Variants in PHLPP2 observed in about 807,000 individuals in gnomAD.
PHLPP2 encodes PH domain and leucine rich repeat protein phosphatase 2.
PHLPP2 carries 66 observed loss-of-function variants against 124.9 expected under a neutral mutation model. The ratio of observed to expected loss-of-function variants is 0.53; its 90% CI spans 0.43 to 0.65. The LOEUF is 0.65. Among genes scored for constraint, PHLPP2 ranks in the 30% least tolerant of loss-of-function variants. PHLPP2 has a pLI of 0.00. For missense variants in PHLPP2, 1,685 were observed against 1,600.4 expected, an observed-to-expected ratio of 1.05 and a Z score of -0.90; for synonymous variants, 681 against 624.7, an observed-to-expected ratio of 1.09 and a Z score of -1.34.
chr16:71,722,713 G>A (rs75015501), intron 1 of PHLPP2, among the ~76,000 whole-genome samples: 3,652 of 152,052 alleles, frequency 0.024, 143 homozygotes, highest in African/African-American at 0.083. Flanking sequence ...CTTCTACTGG[G>A]CAAGTTTCAT....
At chr16:71,657,538 G>C (rs1206475329) in intron 15 of PHLPP2, among the ~76,000 whole-genome samples, 1 of 151,806 alleles carries the variant, frequency 6.6e-6, no homozygotes, top group Non-Finnish European at 1.5e-5. Flanking sequence ...GGGACTACAG[G>C]CGCCCGCCAC....
At chr16:71,662,624 C>A (rs2044801796) in intron 13 of PHLPP2, among the ~76,000 whole-genome samples, 1 of 152,094 alleles carries the variant, frequency 6.6e-6, no homozygotes, top group Non-Finnish European at 1.5e-5. Context: ...CATATAATTT[C>A]ATCCAAAATT....
intron 10 of PHLPP2, 54 bp downstream of exon 10, chr16:71,672,208 C>T: frequency 7.5e-7 from 1 of 1,329,608 alleles, no homozygotes; most frequent in Non-Finnish European, 1.1e-6. Flanking sequence ...AAAAAATCCA[C>T]ATGTATCTCT....
chr16:71,667,384 CT>C (rs1283060564), intron 11 of PHLPP2, 51 bp from the exon 12 acceptor site: 2 of 1,415,598 alleles, frequency 1.4e-6, no homozygotes, highest in East Asian at 2.3e-5. Context: ...TTAAATCATT[CT>C]TTCTGAGGCT....
chr16:71,695,014 C>T (rs933471781), intron 3 of PHLPP2, among the ~76,000 whole-genome samples: 2 of 151,912 alleles, frequency 1.3e-5, no homozygotes, highest in Non-Finnish European at 2.9e-5. Context: ...CTCGATCTCC[C>T]GACCTCATGA....
At chr16:71,695,571 T>C (rs1597009949) in intron 3 of PHLPP2, among the ~76,000 whole-genome samples, 1 of 152,092 alleles carries the variant, frequency 6.6e-6, no homozygotes. Flanking sequence ...TAGCTGGGTG[T>C]GGTGGTAAGC....
chr16:71,692,964 T>C (rs1373831733), intron 3 of PHLPP2, among the ~76,000 whole-genome samples: 1 of 152,122 alleles, frequency 6.6e-6, no homozygotes, highest in Admixed American at 6.6e-5. Flanking sequence ...ACTATCCAGA[T>C]ATCTCCAACT....
intron 2 of PHLPP2, among the ~76,000 whole-genome samples, chr16:71,711,845 C>T (rs34731378): frequency 0.26 from 39,445 of 152,078 alleles, 5,309 homozygotes; most frequent in Non-Finnish European, 0.3. Context: ...TAAAACTGAT[C>T]ATAAACAAGT....
At chr16:71,677,004 A>G (rs1417554662) in intron 8 of PHLPP2, 2 of 267,424 alleles carry the variant, frequency 7.5e-6, no homozygotes, top group Non-Finnish European at 1.4e-5. Flanking sequence ...TCGGCCTCCC[A>G]AAGTGCTGGG....
At chr16:71,690,752 G>GT (rs1555547216) in intron 3 of PHLPP2, 43 bp from the exon 4 acceptor site, 1 of 1,320,710 alleles carries the variant, frequency 7.6e-7, no homozygotes, top group Non-Finnish European at 1.1e-6. Flanking sequence ...TTAAAGTAGT[G>GT]TAAGAATACA....
intron 4 of PHLPP2, among the ~76,000 whole-genome samples, chr16:71,688,474 TTCTC>T (rs1278116340): frequency 2.0e-5 from 3 of 152,208 alleles, no homozygotes; most frequent in Non-Finnish European, 2.9e-5. Context: ...TGTTCTTCCA[TTCTC>T]TCTTAGAAAA....
Position 71,678,924 on chromosome 16 carries a change from G to C in PHLPP2, c.1099C>G (p.Leu367Val), listed in dbSNP as rs1333557875. 6 of 1,613,220 alleles carry C rather than the reference G, an allele frequency of 3.7e-6. No individual in the cohort carries two copies. The highest frequency in any genetic ancestry group is 5.1e-6 in the Non-Finnish European group (6 of 1,179,414). Residue 367 changes from leucine to valine, a missense_variant, in exon 8 of 19, where the codon CTA becomes GTA. Transcript: ENST00000568954. ...LTTLPEELGN[L>V]QQLSSLGISF... ...ATTCCCAAGGAGGAAAGCTGTTGTA[G>C]ATTTCCCAATTCTTCAGGTAAAGTA...
In PHLPP2 at chr16:71,649,668, G is replaced by A; in HGVS notation, c.3194C>T (p.Pro1065Leu). ...FASTTTIKDA[P>L]KPATPSSSSG... Reference sequence around the variant, plus strand: ...GCTAGAGGATGGAGTGGCTGGCTTAGGGGCATCCTTGATAGTGGTGGTTGA... The same window carrying A: ...GCTAGAGGATGGAGTGGCTGGCTTAAGGGCATCCTTGATAGTGGTGGTTGA... The change falls in exon 19 of 19, where the codon CCT (proline) becomes CTT (leucine). Residue 1065 changes from proline to leucine, a missense_variant. Transcript: ENST00000568954. 1 of 1,614,122 alleles carries A rather than the reference G, an allele frequency of 6.2e-7. No individual in the cohort carries two copies. Among genetic ancestry groups the A allele is most frequent in the Non-Finnish European group, 8.5e-7 (1 of 1,180,018 alleles).
chr16:71,668,579 T>C (rs1000296076), intron 11 of PHLPP2, among the ~76,000 whole-genome samples: 4 of 151,912 alleles, frequency 2.6e-5, no homozygotes, highest in African/African-American at 7.3e-5. Flanking sequence ...GTGGCCAATA[T>C]AGCAAAGCCC....
chr16:71,720,583 G>A (rs966513886), intron 1 of PHLPP2, among the ~76,000 whole-genome samples: 1 of 152,106 alleles, frequency 6.6e-6, no homozygotes, highest in Non-Finnish European at 1.5e-5. Flanking sequence ...TGTGAAATAC[G>A]GCCGGGTGCG....
At chr16:71,720,640 G>A (rs1301944821) in intron 1 of PHLPP2, among the ~76,000 whole-genome samples, 1 of 149,808 alleles carries the variant, frequency 6.7e-6, no homozygotes. Context: ...TGAGGCAGGC[G>A]GATCACCTGA....
chr16:71,724,105 A>G (rs1405100756), intron 1 of PHLPP2: 1 of 153,372 alleles, frequency 6.5e-6, no homozygotes, highest in Non-Finnish European at 1.4e-5. Context: ...ACCTGGCACC[A>G]CCGCAGAGCG....
intron 2 of PHLPP2, among the ~76,000 whole-genome samples, chr16:71,709,893 G>C (rs1359208883): frequency 2.0e-5 from 3 of 152,142 alleles, no homozygotes; most frequent in African/African-American, 7.2e-5. Flanking sequence ...GAATGCAGTG[G>C]TGCAATCTTG....
chr16:71,662,289 G>A (rs1486884958), intron 13 of PHLPP2, among the ~76,000 whole-genome samples: 1 of 151,914 alleles, frequency 6.6e-6, no homozygotes, highest in Non-Finnish European at 1.5e-5. Flanking sequence ...AATTAGCCAG[G>A]TGTGGTGGCA....
Sources: allele counts gnomAD v4.1 joint callset (sites outside exome capture counted in the v4.1 genomes callset), GRCh38; gene constraint gnomAD v4.1.1; transcripts MANE v1.5; gene names NCBI Gene and HGNC (gene_info 2026-07-23, HGNC 2026-07-21).